USP39: variants seen among roughly 807,000 people sequenced by gnomAD.
USP39 encodes ubiquitin specific peptidase 39, also known as ubiquitin carboxyl-terminal hydrolase 39.
In USP39, 38 loss-of-function variants were observed where a neutral mutation model predicts 66.4. The ratio of observed to expected loss-of-function variants is 0.57; its 90% CI spans 0.44 to 0.75. The LOEUF is 0.75. Ranked by LOEUF, USP39 falls within the 30% of genes least tolerant of loss-of-function variation. The probability of loss-of-function intolerance (pLI) is 0.00; values close to 1 mark genes in which losing one functional copy is unlikely to be tolerated. For synonymous variants in USP39, 303 were observed against 274.6 expected (o/e 1.10, Z -1.02); for missense variants, 608 against 714.4 (o/e 0.85, Z 1.70).
chr2:85,648,676 A>G (rs914442205), intron 12 of USP39, 85 bp from the exon 13 acceptor site: 1 of 1,500,516 alleles, frequency 6.7e-7, no homozygotes, highest in Non-Finnish European at 9.3e-7. Context: ...CAAGTTGTCC[A>G]TGGCCTGGCA....
intron 7 of USP39, 48 bp from the exon 8 acceptor site, chr2:85,637,321 A>G (rs199930229): frequency 3.1e-5 from 50 of 1,594,718 alleles, no homozygotes; most frequent in Non-Finnish European, 3.8e-5. Flanking sequence ...TACTTCAGAC[A>G]TGTTTTCCAT....
At chr2:85,606,017 G>T (rs1369998529) in intron 1 of USP39, among the ~76,000 whole-genome samples, 2 of 152,208 alleles carry the variant, frequency 1.3e-5, no homozygotes, top group Non-Finnish European at 2.9e-5. Context: ...CTCTTGCACA[G>T]CCCCAAACCC....
rs753021536 is a variant in USP39, at chr2:85,616,202, G to C, written c.7G>C (p.Gly3Arg). 5 of 1,450,842 alleles carry C rather than the reference G, an allele frequency of 3.4e-6. No homozygotes were observed. The East Asian group carries it at 8.0e-5, about 23-fold the overall frequency. 89.9% of individuals were successfully genotyped at this position (1,450,842 alleles called of 1,614,324 possible). ...GACTCGGCCGGTAGTGGAGATGTCC[G>C]GCCGGTCTAAGCGGGAGTCTCGCGG... Reference protein sequence around the residue: MSGRSKRESRGST... With the variant: MSRRSKRESRGST... The change falls in exon 1 of 13, where the codon GGC becomes CGC. Residue 3 changes from glycine to arginine, a missense_variant. By Grantham distance (125) the Gly-to-Arg change is moderately radical. Transcript: ENST00000323701.
At position 85,636,107 on chromosome 2, in the gene USP39, G is replaced by T; in HGVS notation, c.1004G>T (p.Gly335Val). The change falls in exon 7 of 13, where the codon GGG becomes GTG. Residue 335 changes from glycine (G) to valine (V), a missense_variant. Gly to Val is a moderately radical substitution (Grantham distance 109). Coordinates refer to ENST00000323701, the MANE Select transcript of USP39 (RefSeq NM_006590.4). The part of the protein sequence containing the change: ...WFLNALHSAL[G>V]GTKKKKKTIV... The stretch of plus-strand genomic sequence containing the variant: ...CTGAATGCTCTGCACTCAGCTCTGG[G>T]GGGCACAAAGAAGAAAAAGAAGAGT... 1 of 1,613,944 alleles carries T rather than the reference G, an allele frequency of 6.2e-7. No individual in the cohort carries two copies.
upstream of USP39, chr2:85,612,422 C>T (rs1411069386): frequency 4.8e-6 from 7 of 1,471,158 alleles, no homozygotes; most frequent in Admixed American, 2.0e-5. Context: ...GTAACGCTGC[C>T]ACTTCTCAGT....
chr2:85,608,701 CAAAAAAAAAA>C (rs5832651), upstream of USP39: 10 of 55,444 alleles, frequency 1.8e-4, no homozygotes, highest in South Asian at 2.7e-3. Flanking sequence ...ACAAAATCCT[CAAAAAAAAAA>C]AAAAAAAAAA....
chr2:85,611,678 C>T (rs765557236), upstream of USP39: 2 of 1,564,690 alleles, frequency 1.3e-6, no homozygotes, highest in South Asian at 1.2e-5. Flanking sequence ...CTCGGTGTCG[C>T]GGCAGGTACA....
At chr2:85,632,863 G>T (rs1162806663) in intron 6 of USP39, among the ~76,000 whole-genome samples, 1 of 152,162 alleles carries the variant, frequency 6.6e-6, no homozygotes, top group Non-Finnish European at 1.5e-5. Context: ...AGAGATCAGA[G>T]TGGAGGAAGA....
intron 1 of USP39, among the ~76,000 whole-genome samples, chr2:85,604,873 A>G (rs911554985): frequency 2.6e-5 from 4 of 152,194 alleles, no homozygotes; most frequent in African/African-American, 9.7e-5. Flanking sequence ...TTCTAACATG[A>G]TGTGGGGGCA....
Position 85,616,438 on chromosome 2 carries a change from C to G in USP39, c.243C>G (p.Asp81Glu), listed in dbSNP as rs1419880209. The G allele has an allele frequency of 3.2e-6, 5 of 1,570,460 alleles. No homozygotes were observed. The highest frequency in any genetic ancestry group is 2.7e-5 in the African/African-American group (2 of 72,768). Residue 81 changes from aspartate (D) to glutamate (E), a missense_variant, in exon 1 of 13, where the codon GAC (aspartate) becomes GAG (glutamate). Asp to Glu is a conservative substitution (Grantham distance 45). Around this residue, in one of 6 missense-constraint regions of USP39, gnomAD observed 207 missense variants for 145.7 expected, o/e 1.42. Transcript: ENST00000323701. ...AGCGGGAGCGCGAGGTCGATGAGGA[C>G]TCGGAGCCTGAGCGGGAGGTGCGAG... The part of the protein sequence containing the change: ...RVKREREVDE[D>E]SEPEREVRAK...
intron 6 of USP39, among the ~76,000 whole-genome samples, chr2:85,632,136 C>T (rs991889575): frequency 4.6e-5 from 7 of 152,200 alleles, no homozygotes; most frequent in East Asian, 1.9e-4. Flanking sequence ...ACCTGAATCT[C>T]ATATGGTATC....
chr2:85,643,522 C>A (rs1241281886), intron 10 of USP39, among the ~76,000 whole-genome samples: 9 of 151,896 alleles, frequency 5.9e-5, no homozygotes, highest in African/African-American at 2.2e-4. Flanking sequence ...TTCACTGATA[C>A]TCATTCAGAC....
At position 85,625,619 on chromosome 2, in the gene USP39, T is replaced by C. The variant is rs373560870; in HGVS notation, c.651T>C (p.Gly217=). The change falls in exon 5 of 13, where the codon GGT becomes GGC. Residue 217 remains glycine (G), a synonymous_variant. Coordinates refer to ENST00000323701, the MANE Select transcript of USP39 (RefSeq NM_006590.4). The part of the protein sequence containing the change: ...KQAKLSRAYD[G]TTYLPGIVGL... Reference sequence around the variant, plus strand: ...CCAAATTGTCCCGGGCATATGATGGTACCACTTACCTGCCGGGTATTGTGG... The same window carrying C: ...CCAAATTGTCCCGGGCATATGATGGCACCACTTACCTGCCGGGTATTGTGG... 10 of 1,613,988 alleles carry C rather than the reference T, an allele frequency of 6.2e-6. No homozygotes were observed. In the Admixed American group the frequency reaches 1.0e-4, roughly 16 times the overall value.
chr2:85,613,097 T>C (rs1673679085), upstream of USP39, among the ~76,000 whole-genome samples: 1 of 152,114 alleles, frequency 6.6e-6, no homozygotes, highest in Admixed American at 6.6e-5. Flanking sequence ...CAGTGGCTCA[T>C]GTCTGTAATT....
chr2:85,631,962 G>GGTCTCA (rs11282436), intron 6 of USP39, among the ~76,000 whole-genome samples: 142,876 of 151,838 alleles, frequency 0.94, 67,344 homozygotes, highest in East Asian at 1. Flanking sequence ...TTGGCCAGGT[G>GGTCTCA]AACTCCTGAC....
Position 85,616,209 on chromosome 2 carries a change from C to T in USP39, c.14C>T (p.Ser5Phe). 2.7e-6 allele frequency: 4 copies of T among 1,455,912 alleles called. 1 individual carries two copies. Among genetic ancestry groups the T allele is most frequent in the South Asian group, 2.8e-5 (2 of 70,518 alleles). 90.2% of individuals were successfully genotyped at this position (1,455,912 alleles called of 1,614,324 possible). ...CCGGTAGTGGAGATGTCCGGCCGGT[C>T]TAAGCGGGAGTCTCGCGGTTCCACT... MSGR[S>F]KRESRGSTRG... The change falls in exon 1 of 13, where the codon TCT (serine) becomes TTT (phenylalanine). Residue 5 changes from serine (S) to phenylalanine (F), a missense_variant. By Grantham distance (155) the Ser-to-Phe change is radical. Coordinates refer to ENST00000323701, the MANE Select transcript of USP39 (RefSeq NM_006590.4).
intron 6 of USP39, among the ~76,000 whole-genome samples, chr2:85,634,721 C>T (rs541270220): frequency 6.6e-6 from 1 of 152,180 alleles, no homozygotes; most frequent in Non-Finnish European, 1.5e-5. Context: ...ACTCCCTGAG[C>T]TCCCAGGGTT....
chr2:85,629,159 G>T lies in USP39; in HGVS notation c.724-1562G>T, dbSNP rs538781985. On this transcript the variant is annotated intron_variant, in intron 5 of 12. Transcript: ENST00000323701. Reference sequence around the variant, plus strand: ...GCTCGCTGCAACCTCTGCCTCCCGGGTCTAAGTGATTCTCCTGCCTCAGCC... The same window carrying T: ...GCTCGCTGCAACCTCTGCCTCCCGGTTCTAAGTGATTCTCCTGCCTCAGCC... 3.1e-4 allele frequency among the ~76,000 whole-genome samples: 47 copies of T among 152,086 alleles called. 1 individual carries two copies. The East Asian group carries it at 9.1e-3, about 29-fold the overall frequency.
chr2:85,644,861 C>T, intron 10 of USP39, 87 bp from the exon 11 acceptor site: 1 of 1,554,696 alleles, frequency 6.4e-7, no homozygotes, highest in Non-Finnish European at 8.7e-7. Context: ...TAGGGCTGAA[C>T]AATTTTGTGG....
Sources: allele counts gnomAD v4.1 joint callset (sites outside exome capture counted in the v4.1 genomes callset), GRCh38; gene constraint gnomAD v4.1.1; regional missense constraint gnomAD v4.1.1; transcripts MANE v1.5; gene names NCBI Gene and HGNC (gene_info 2026-07-23, HGNC 2026-07-21).